The following GPLD1 variants were observed in gnomAD, a reference collection of about 807,000 sequenced individuals.
The protein encoded by GPLD1 is phosphatidylinositol-glycan-specific phospholipase D.
A neutral mutation model predicts 112.6 loss-of-function variants in GPLD1; 84 were observed. The ratio of observed to expected loss-of-function variants is 0.75; its 90% CI spans 0.63 to 0.89. The LOEUF is 0.89. GPLD1 is among the 40% of genes least tolerant of loss of function. The pLI is 0.00. For missense variants in GPLD1, 1,044 were observed against 1,051.5 expected (o/e 0.99, Z 0.10); for synonymous variants, 386 against 403.8 (o/e 0.96, Z 0.53).
At position 24,456,561 on chromosome 6, in the gene GPLD1, T is replaced by C; in HGVS notation, c.1085A>G (p.Gln362Arg). 1 of 1,608,026 alleles carries C rather than the reference T, an allele frequency of 6.2e-7. No individual in the cohort carries two copies. The highest frequency in any genetic ancestry group is 8.5e-7 in the Non-Finnish European group (1 of 1,174,416). ...TGCTAAGGGGCTGGAGACGTGCTTT[T>C]GTGACAACTGAGAGCCACCTATGAA... ...TMFIGGSQLS[Q>R]KHVSSPLASY... Residue 362 changes from glutamine to arginine, a missense_variant, in exon 13 of 25, where the codon CAA (glutamine) becomes CGA (arginine). Coordinates refer to ENST00000230036, the MANE Select transcript of GPLD1 (RefSeq NM_001503.4).
At chr6:24,449,023 C>T (rs1384575036) in intron 15 of GPLD1, among the ~76,000 whole-genome samples, 1 of 151,912 alleles carries the variant, frequency 6.6e-6, no homozygotes, top group Non-Finnish European at 1.5e-5. Flanking sequence ...GCACAGGATG[C>T]TAAGTGGGGA....
intron 5 of GPLD1, among the ~76,000 whole-genome samples, chr6:24,474,174 TACACAC>T (rs56324939): frequency 0.3 from 44,366 of 145,490 alleles, 7,889 homozygotes; most frequent in Non-Finnish European, 0.41. Flanking sequence ...CACACCCACA[TACACAC>T]ACACACACAC....
intron 3 of GPLD1, among the ~76,000 whole-genome samples, chr6:24,477,076 C>T (rs1764046642): frequency 6.6e-6 from 1 of 151,638 alleles, no homozygotes. Context: ...GATTTGCTCC[C>T]ACAGTTTTCC....
At chr6:24,430,817 A>G (rs965471093) in intron 24 of GPLD1, among the ~76,000 whole-genome samples, 6 of 152,156 alleles carry the variant, frequency 3.9e-5, no homozygotes, top group African/African-American at 1.4e-4. Context: ...AATGCCCCCA[A>G]GCTCAGGTAT....
intron 7 of GPLD1, among the ~76,000 whole-genome samples, chr6:24,470,975 T>C (rs944201391): frequency 5.9e-5 from 9 of 152,224 alleles, no homozygotes; most frequent in African/African-American, 2.2e-4. Flanking sequence ...CAGCAAAGTT[T>C]TTCTTGGAAC....
intron 22 of GPLD1, among the ~76,000 whole-genome samples, chr6:24,434,870 A>G (rs902239968): frequency 7.3e-5 from 11 of 149,800 alleles, no homozygotes; most frequent in African/African-American, 2.5e-4. Context: ...GGGTCTCCCT[A>G]TGTTGCCCAA....
intron 12 of GPLD1, among the ~76,000 whole-genome samples, chr6:24,459,762 G>A (rs1316410622): frequency 6.6e-6 from 1 of 152,216 alleles, no homozygotes; most frequent in Non-Finnish European, 1.5e-5. Context: ...ATGGGGCTAT[G>A]CACAGTGAGC....
chr6:24,483,582 G>A (rs1289544661), intron 2 of GPLD1, among the ~76,000 whole-genome samples: 1 of 151,526 alleles, frequency 6.6e-6, no homozygotes, highest in Non-Finnish European at 1.5e-5. Flanking sequence ...GGAGGCTGAG[G>A]CAGGAGAATC....
Position 24,448,006 on chromosome 6 carries a change from G to C in GPLD1, c.1549C>G (p.Leu517Val). 3 of 1,613,766 alleles carry C rather than the reference G, an allele frequency of 1.9e-6. No individual in the cohort carries two copies. Among genetic ancestry groups the C allele is most frequent in the Non-Finnish European group, 2.5e-6 (3 of 1,179,980 alleles). The change falls in exon 17 of 25, where the codon CTC becomes GTC. Residue 517 changes from leucine to valine, a missense_variant. Physicochemically the swap from Leu to Val is conservative, Grantham distance 32. Transcript: ENST00000230036. Reference sequence around the variant, plus strand: ...TCTCCATTCACATCTGCAGCCAAGAGAGTCCAGCCCAAGTTACAGTAGATG... The same window carrying C: ...TCTCCATTCACATCTGCAGCCAAGACAGTCCAGCCCAAGTTACAGTAGATG... ...QDIYCNLGWT[L>V]LAADVNGDSE...
rs1244029311 is a variant in GPLD1, at chr6:24,460,339, A to T, written c.948T>A (p.Val316=). The part of the protein sequence containing the change: ...RNLTTSLTES[V]DRNINYTERG... ...TTTCAGTATAGTTTATATTCCTGTC[A>T]ACACTTTCAGTTAGGGATGTAGTCA... Residue 316 remains valine (V), a synonymous_variant, in exon 12 of 25, where the codon GTT becomes GTA. Transcript: ENST00000230036. The T allele has an allele frequency of 1.2e-6, 2 of 1,613,168 alleles. No homozygotes were observed. Among genetic ancestry groups the T allele is most frequent in the Non-Finnish European group, 1.7e-6 (2 of 1,179,088 alleles).
In GPLD1 at chr6:24,436,562, T is replaced by G; in HGVS notation, c.2358+14A>C. 6.2e-7 allele frequency: 1 copy of G among 1,609,264 alleles called. No individual in the cohort carries two copies. The highest frequency in any genetic ancestry group is 8.5e-7 in the Non-Finnish European group (1 of 1,176,270). On this transcript the variant is annotated intron_variant, in intron 22 of 24. Transcript: ENST00000230036. ...CCTTTCCCAATAAGTTATAGAATTT[T>G]GTAGAACACTTACCTTTTCTTCTGG...
chr6:24,466,909 T>TACC lies in GPLD1; in HGVS notation c.681_681+2dup. ...TTAAGATTTGGAAGAATGACGCCTT[T>TACC]ACCTTGGAAACAGCTAGCATCTCAC... is the stretch of plus-strand genomic sequence containing the variant. On this transcript the variant is annotated splice_region_variant and intron_variant, in intron 9 of 24. Transcript: ENST00000230036. 6.2e-7 allele frequency: 1 copy of TACC among 1,610,590 alleles called. No individual in the cohort carries two copies. Among genetic ancestry groups the TACC allele is most frequent in the Non-Finnish European group, 8.5e-7 (1 of 1,176,788 alleles).
intron 15 of GPLD1, among the ~76,000 whole-genome samples, chr6:24,449,578 A>G (rs115642130): frequency 0.014 from 2,205 of 152,314 alleles, 45 homozygotes; most frequent in Admixed American, 0.06. Flanking sequence ...TAGGGCCAAA[A>G]TAAGGCCAGG....
At chr6:24,451,283 G>T (rs1341656563) in intron 14 of GPLD1, among the ~76,000 whole-genome samples, 1 of 152,072 alleles carries the variant, frequency 6.6e-6, no homozygotes, top group Admixed American at 6.5e-5. Flanking sequence ...CTACCGTCTG[G>T]AATCAGCCTA....
At chr6:24,438,475 G>A (rs1173568941) in intron 20 of GPLD1, among the ~76,000 whole-genome samples, 1 of 152,188 alleles carries the variant, frequency 6.6e-6, no homozygotes, top group African/African-American at 2.4e-5. Context: ...AGTTTTGTGT[G>A]TAAAACTGAG....
chr6:24,456,390 T>G (rs1763270158), intron 13 of GPLD1, 108 bp downstream of exon 13: 1 of 764,606 alleles, frequency 1.3e-6, no homozygotes, highest in African/African-American at 1.8e-5. Flanking sequence ...AGTGAGACTC[T>G]GTCTCAAAAA....
At position 24,462,765 on chromosome 6, in the gene GPLD1, G is replaced by C; in HGVS notation, c.852C>G (p.Phe284Leu). 1 of 1,613,406 alleles carries C rather than the reference G, an allele frequency of 6.2e-7. No homozygotes were observed. Among genetic ancestry groups the C allele is most frequent in the Non-Finnish European group, 8.5e-7 (1 of 1,179,316 alleles). ...SDCNLPENPL[F>L]IACGGQQNHT... is the part of the protein sequence containing the mutation. ...GGTTTTGCTGGCCGCCACATGCAATGAACAGAGGGTTCTCAGGCAGGTTGC... is the reference window on the plus strand; with the variant it reads ...GGTTTTGCTGGCCGCCACATGCAATCAACAGAGGGTTCTCAGGCAGGTTGC... The change falls in exon 11 of 25, where the codon TTC becomes TTG. Residue 284 changes from phenylalanine to leucine, a missense_variant. Phe to Leu is a conservative substitution (Grantham distance 22). Transcript: ENST00000230036.
rs761806200 is a variant in GPLD1 at position 24,486,781 on chromosome 6, G to T, written c.98-651C>A. On this transcript the variant is annotated intron_variant, in intron 1 of 24. Coordinates refer to ENST00000230036, the MANE Select transcript of GPLD1 (RefSeq NM_001503.4). ...TGTAGTGAGCCGAGACCACGCCACT[G>T]CACTCCAGCCTGGGCAACAGAGCGA... Among the ~76,000 whole-genome samples the T allele has an allele frequency of 1.3e-3, 201 of 151,578 alleles. 2 individuals are homozygous for T. Among genetic ancestry groups the T allele is most frequent in the Non-Finnish European group, 2.2e-3 (151 of 67,930 alleles).
Position 24,446,937 on chromosome 6 carries a change from T to G in GPLD1, c.1721A>C (p.Glu574Ala), listed in dbSNP as rs1345666988. Residue 574 changes from glutamate (E) to alanine (A), a missense_variant, in exon 18 of 25, where the codon GAG (glutamate) becomes GCG (alanine). Glu to Ala is a moderately radical substitution (Grantham distance 107). Coordinates refer to ENST00000230036, the MANE Select transcript of GPLD1 (RefSeq NM_001503.4). ...ATATCCAAACCAGGAGAAGTCTTCC[T>G]CGCCTCTCACCGTCCAGTTGGCTGC... ...VEAANWTVRGEEDFSWFGYSL... is the reference protein window; with the variant it reads ...VEAANWTVRGAEDFSWFGYSL... 1.2e-6 allele frequency: 2 copies of G among 1,613,814 alleles called. No homozygotes were observed. The highest frequency in any genetic ancestry group is 2.2e-5 in the East Asian group (1 of 44,856).
Sources: allele counts gnomAD v4.1 joint callset (sites outside exome capture counted in the v4.1 genomes callset), GRCh38; gene constraint gnomAD v4.1.1; transcripts MANE v1.5; gene names NCBI Gene and HGNC (gene_info 2026-07-23, HGNC 2026-07-21).